Variants in YAF2 observed in about 807,000 individuals in gnomAD.
YAF2 encodes YY1 associated factor 2.
In YAF2, 7 loss-of-function variants were observed where a neutral mutation model predicts 20.1. The observed-to-expected ratio is 0.35, with a 90% CI of 0.20 to 0.65. The LOEUF (loss-of-function observed/expected upper bound fraction) is 0.65, where lower values mean the gene tolerates loss of function less well. Ranked by LOEUF, YAF2 falls within the 30% of genes least tolerant of loss-of-function variation. The pLI is 0.69. For synonymous variants in YAF2, 74 were observed against 76.0 expected, an observed-to-expected ratio of 0.97 and a Z score of 0.14; for missense variants, 151 against 219.2, an observed-to-expected ratio of 0.69 and a Z score of 1.96.
chr12:42,198,756 G>A (rs767951255), intron 2 of YAF2, among the ~76,000 whole-genome samples: 11 of 152,232 alleles, frequency 7.2e-5, no homozygotes, highest in Middle Eastern at 3.4e-3. Context: ...AAGAGCCCAC[G>A]AACAAGTGAA....
chr12:42,193,121 C>A (rs2066657829), intron 2 of YAF2, among the ~76,000 whole-genome samples: 1 of 152,074 alleles, frequency 6.6e-6, no homozygotes, highest in Non-Finnish European at 1.5e-5. Flanking sequence ...TTGAGACCAG[C>A]CTGGCCAACA....
Position 42,226,287 on chromosome 12 carries a change from G to A in YAF2, c.152+11312C>T, listed in dbSNP as rs190794037. Among the ~76,000 whole-genome samples, 39 of 152,250 alleles carry A rather than the reference G, an allele frequency of 2.6e-4. No homozygotes were observed. In the East Asian group the frequency reaches 3.7e-3, roughly 14 times the overall value. ...TGAGACCTAATAAGTGGCCACAAAT[G>A]AGATCATAACAATATTATACAACTT... is the stretch of plus-strand genomic sequence containing the variant. On this transcript the variant is annotated intron_variant, in intron 2 of 3. Coordinates refer to ENST00000534854, the MANE Select transcript of YAF2 (RefSeq NM_005748.6).
intron 2 of YAF2, among the ~76,000 whole-genome samples, chr12:42,204,140 TA>T (rs2066975566): frequency 6.6e-6 from 1 of 152,084 alleles, no homozygotes; most frequent in Non-Finnish European, 1.5e-5. Flanking sequence ...AGGCAATAAT[TA>T]AAAAGATAAT....
At chr12:42,232,642 A>AT (rs1218013218) in intron 2 of YAF2, 2 of 985,240 alleles carry the variant, frequency 2.0e-6, no homozygotes, top group Non-Finnish European at 2.4e-6. Context: ...ATGGTCCTCA[A>AT]TTTTTTTCTC....
intron 2 of YAF2, among the ~76,000 whole-genome samples, chr12:42,222,793 A>G (rs1470828154): frequency 2.0e-5 from 3 of 152,148 alleles, no homozygotes; most frequent in African/African-American, 7.2e-5. Context: ...TGTTGAGAAG[A>G]TTAAATGGTT....
intron 2 of YAF2, among the ~76,000 whole-genome samples, chr12:42,226,678 T>C (rs1246656548): frequency 6.6e-6 from 1 of 151,964 alleles, no homozygotes; most frequent in Non-Finnish European, 1.5e-5. Context: ...AATAAATAAA[T>C]AAATAATGCT....
At chr12:42,161,255 G>A (rs1019877512) in intron 3 of YAF2, 1 of 245,862 alleles carries the variant, frequency 4.1e-6, no homozygotes, top group East Asian at 1.1e-4. Context: ...ATGACTGAAC[G>A]CATGACCATT....
intron 2 of YAF2, among the ~76,000 whole-genome samples, chr12:42,218,094 T>TC (rs1320726383): frequency 6.6e-6 from 1 of 152,010 alleles, no homozygotes; most frequent in Admixed American, 6.6e-5. Context: ...TACTGCTTAC[T>TC]CCTATTACAC....
At chr12:42,222,472 G>A (rs777595722) in intron 2 of YAF2, among the ~76,000 whole-genome samples, 2 of 152,080 alleles carry the variant, frequency 1.3e-5, no homozygotes, top group African/African-American at 2.4e-5. Flanking sequence ...TTTGACTAGC[G>A]GACCATCTTC....
chr12:42,236,431 G>T (rs2068158310), intron 2 of YAF2, among the ~76,000 whole-genome samples: 1 of 152,012 alleles, frequency 6.6e-6, no homozygotes, highest in Admixed American at 6.6e-5. Context: ...TATCAATTGT[G>T]GGAATATACA....
intron 2 of YAF2, chr12:42,233,563 G>A: frequency 2.4e-6 from 2 of 843,892 alleles, no homozygotes; most frequent in South Asian, 5.4e-5. Context: ...CCAGGCTGGA[G>A]TGCAGTGGTA....
chr12:42,228,169 G>A (rs1164852880), intron 2 of YAF2, among the ~76,000 whole-genome samples: 3 of 78,998 alleles, frequency 3.8e-5, no homozygotes, highest in African/African-American at 5.4e-5. Context: ...CCCCCCGCCC[G>A]GCCAGCCGCC....
intron 2 of YAF2, chr12:42,210,498 G>A (rs2067176533): frequency 2.0e-6 from 3 of 1,535,866 alleles, no homozygotes; most frequent in Non-Finnish European, 2.6e-6. Flanking sequence ...GAAAGTTTGG[G>A]GGAGGGGATT....
chr12:42,234,322 C>CA (rs2068077211), intron 2 of YAF2: 1 of 985,364 alleles, frequency 1.0e-6, no homozygotes, highest in Non-Finnish European at 1.2e-6. Context: ...AATTTCCTGT[C>CA]AGTTTGACAT....
chr12:42,202,177 C>T (rs12308598), intron 2 of YAF2, among the ~76,000 whole-genome samples: 1,537 of 152,190 alleles, frequency 0.01, 32 homozygotes, highest in African/African-American at 0.035. Flanking sequence ...CCATTTCTAG[C>T]CTTCACCAAT....
chr12:42,238,010 C>T (rs2068237959), intron 1 of YAF2, 145 bp downstream of exon 1: 1 of 637,262 alleles, frequency 1.6e-6, no homozygotes, highest in Admixed American at 4.9e-5. Context: ...GCGCCGGCCC[C>T]CTCAAGCGGC....
At chr12:42,167,294 C>T (rs1169790582) in intron 2 of YAF2, among the ~76,000 whole-genome samples, 1 of 151,954 alleles carries the variant, frequency 6.6e-6, no homozygotes, top group African/African-American at 2.4e-5. Context: ...TATCCCAGAA[C>T]TTACAGTAAA....
intron 2 of YAF2, among the ~76,000 whole-genome samples, chr12:42,223,355 CATAT>C (rs1555164057): frequency 6.7e-6 from 1 of 149,942 alleles, no homozygotes; most frequent in African/African-American, 2.5e-5. Context: ...CACACACACA[CATAT>C]ATATACACAC....
chr12:42,237,673 G>A lies in YAF2; in HGVS notation c.78C>T (p.Ser26=), dbSNP rs2068217877. ...CGGCGCTGTTCCGGAAGGTGCAGAC[G>A]CTACAGTCCCAGTAACCCTCATCCG... The part of the protein sequence containing the change: ...PSSDEGYWDC[S]VCTFRNSAEA... The change falls in exon 2 of 4, where the codon AGC becomes AGT. Residue 26 remains serine (S), a synonymous_variant. Transcript: ENST00000534854. 9 of 1,589,710 alleles carry A rather than the reference G, an allele frequency of 5.7e-6. No individual in the cohort carries two copies. Among genetic ancestry groups the A allele is most frequent in the Non-Finnish European group, 7.7e-6 (9 of 1,169,702 alleles).
Sources: gnomAD v4.1 joint callset for allele counts (sites outside exome capture counted in the v4.1 genomes callset) on GRCh38, gnomAD v4.1.1 for gene constraint, MANE v1.5 for transcripts, NCBI Gene and HGNC (gene_info 2026-07-23, HGNC 2026-07-21) for gene names.